Variants in PGM3 observed in about 807,000 individuals in gnomAD.
PGM3 encodes the protein phosphoacetylglucosamine mutase.
Under a neutral mutation model 66.2 loss-of-function variants are expected in PGM3, and 40 were observed. That is an observed-to-expected ratio of 0.60 (90% CI 0.47 to 0.79). The LOEUF (loss-of-function observed/expected upper bound fraction) is 0.79, where lower values mean the gene tolerates loss of function less well. PGM3 is among the 30% of genes least tolerant of loss of function. The probability of loss-of-function intolerance (pLI) is 0.00; values close to 1 mark genes in which losing one functional copy is unlikely to be tolerated. For missense variants in PGM3, 537 were observed against 643.4 expected (o/e 0.83, Z 1.79); for synonymous variants, 191 against 224.2 (o/e 0.85, Z 1.32).
chr6:83,173,642 G>T (rs977078403), intron 10 of PGM3, among the ~76,000 whole-genome samples: 3 of 152,106 alleles, frequency 2.0e-5, no homozygotes, highest in Non-Finnish European at 4.4e-5. Context: ...TAATTGAATC[G>T]CTTTCCTCTA....
chr6:83,149,333 G>A, the PGM3 span, among the ~76,000 whole-genome samples: 1 of 152,160 alleles, frequency 6.6e-6, no homozygotes, highest in Admixed American at 6.6e-5. Context: ...TGCAAGTACT[G>A]GGATGTCATA....
downstream of PGM3, chr6:83,157,111 G>A: frequency 4.0e-6 from 6 of 1,487,900 alleles, no homozygotes; most frequent in Non-Finnish European, 5.5e-6. Flanking sequence ...GAGAGTACTG[G>A]ACCGACAATA....
intron 3 of PGM3, 27 bp from the exon 4 acceptor site, chr6:83,187,102 A>G: frequency 6.9e-7 from 1 of 1,451,454 alleles, no homozygotes; most frequent in South Asian, 1.2e-5. Flanking sequence ...AGAAAATAAT[A>G]TATCCCATCC....
the PGM3 span, chr6:83,148,773 A>G: frequency 3.2e-6 from 5 of 1,553,646 alleles, no homozygotes; most frequent in Admixed American, 6.6e-5. Context: ...CCAGTGCCCA[A>G]TTTAGTGGAT....
At chr6:83,191,864 G>A (rs1040812444) in intron 1 of PGM3, among the ~76,000 whole-genome samples, 30 of 149,194 alleles carry the variant, frequency 2.0e-4, no homozygotes, top group Non-Finnish European at 2.4e-4. Flanking sequence ...GTTAGCTGGC[G>A]CCTGTAATCC....
Position 83,168,689 on chromosome 6 carries a change from C to T in PGM3, c.*545G>A, listed in dbSNP as rs1786419103. The T allele has an allele frequency of 1.6e-5, 16 of 995,714 alleles. No homozygotes were observed. Among genetic ancestry groups the T allele is most frequent in the South Asian group, 8.9e-5 (2 of 22,446 alleles). The allele number at this position is 995,714 out of a possible 1,614,324, so 61.7% of individuals were successfully genotyped here. A position where few individuals can be genotyped will look rare whatever the true frequency, so the allele number is the denominator to read the frequency against. On this transcript the variant is annotated 3_prime_UTR_variant, in exon 13 of 13. Transcript: ENST00000513973. ...AAGTATTGCATGAGCATCTCCACCT[C>T]AGTATGGAAGAGGGATGGACAACCC... is the stretch of plus-strand genomic sequence containing the variant.
At position 83,167,284 on chromosome 6, in the gene PGM3, A is replaced by G. The variant is rs1255101926; in HGVS notation, c.*1950T>C. The G allele has an allele frequency of 1.0e-6, 1 of 984,978 alleles. No individual in the cohort carries two copies. Among genetic ancestry groups the G allele is most frequent in the Non-Finnish European group, 1.2e-6 (1 of 829,628 alleles). 61.0% of individuals were successfully genotyped at this position (984,978 alleles called of 1,614,324 possible). The stretch of plus-strand genomic sequence containing the variant: ...TCCAGCTTTCCTCCCTATGTTGTTT[A>G]GCACAACCCAGAAGGAGACAGCAGT... On this transcript the variant is annotated 3_prime_UTR_variant, in exon 13 of 13. Transcript: ENST00000513973.
Position 83,167,900 on chromosome 6 carries a change from T to C in PGM3, c.*1334A>G, listed in dbSNP as rs773227618. ...AAGACAACTCAGGGAGAACATTGGG[T>C]TGGGAGCCAGGGCACTTGCTGCTCA... On this transcript the variant is annotated 3_prime_UTR_variant, in exon 13 of 13. Coordinates refer to ENST00000513973, the MANE Select transcript of PGM3 (RefSeq NM_015599.3). 4 of 1,613,458 alleles carry C rather than the reference T, an allele frequency of 2.5e-6. No individual in the cohort carries two copies. Among genetic ancestry groups the C allele is most frequent in the South Asian group, 1.1e-5 (1 of 90,938 alleles).
At chr6:83,181,691 CA>C (rs1788186426) in intron 6 of PGM3, 44 bp downstream of exon 6, 1 of 1,375,066 alleles carries the variant, frequency 7.3e-7, no homozygotes, top group Admixed American at 2.2e-5. Flanking sequence ...AGATTGGCTT[CA>C]AAGAGCATTA....
At position 83,168,731 on chromosome 6, in the gene PGM3, A is replaced by G; in HGVS notation, c.*503T>C. ...GGACAACCCCCTATTCATACCTCTG[A>G]GTTCCTGATGGCATTAGTCATATAG... On this transcript the variant is annotated 3_prime_UTR_variant, in exon 13 of 13. Coordinates refer to ENST00000513973, the MANE Select transcript of PGM3 (RefSeq NM_015599.3). 4 of 997,646 alleles carry G rather than the reference A, an allele frequency of 4.0e-6. No individual in the cohort carries two copies. The highest frequency in any genetic ancestry group is 1.2e-6 in the Non-Finnish European group (1 of 836,788). The allele number at this position is 997,646 out of a possible 1,614,324, so 61.8% of individuals were successfully genotyped here. A position where few individuals can be genotyped will look rare whatever the true frequency, so the allele number is the denominator to read the frequency against.
the PGM3 span, among the ~76,000 whole-genome samples, chr6:83,151,253 C>T: frequency 6.6e-6 from 1 of 152,184 alleles, no homozygotes; most frequent in Non-Finnish European, 1.5e-5. Context: ...GCCTTGGCCT[C>T]AAGCAATTCT....
At chr6:83,191,058 C>A (rs1247752206) in intron 1 of PGM3, 44 bp from the exon 2 acceptor site, 4 of 1,579,194 alleles carry the variant, frequency 2.5e-6, no homozygotes, top group East Asian at 2.2e-5. Context: ...CAAGTAATTT[C>A]TTAAGAACCA....
intron 12 of PGM3, chr6:83,169,739 C>G (rs1012179782): frequency 4.4e-6 from 2 of 458,260 alleles, no homozygotes; most frequent in African/African-American, 4.0e-5. Flanking sequence ...CCTCCTGATT[C>G]CCTATTCAGC....
downstream of PGM3, chr6:83,158,716 C>A: frequency 1.2e-6 from 1 of 828,360 alleles, no homozygotes; most frequent in Non-Finnish European, 1.9e-6. Context: ...TAGTCTTTTT[C>A]TGAATACTTA....
downstream of PGM3, chr6:83,164,533 A>T (rs1784982554): frequency 2.2e-6 from 2 of 921,338 alleles, no homozygotes; most frequent in Non-Finnish European, 3.4e-6. Flanking sequence ...AATTTGTCCC[A>T]CAGAATAAGA....
At chr6:83,179,309 C>CAAA (rs940300357) in intron 7 of PGM3, among the ~76,000 whole-genome samples, 3 of 71,582 alleles carry the variant, frequency 4.2e-5, no homozygotes, top group African/African-American at 1.3e-4. Flanking sequence ...AACACTGTCT[C>CAAA]AAAAAAAAAA....
At chr6:83,163,502 A>G (rs1420148837), downstream of PGM3, among the ~76,000 whole-genome samples, 2 of 152,220 alleles carry the variant, frequency 1.3e-5, no homozygotes, top group Non-Finnish European at 2.9e-5. Context: ...AAAGGAAATA[A>G]TCATTAGCAT....
In PGM3 at chr6:83,167,971, A is replaced by G. The variant is rs557224254; in HGVS notation, c.*1263T>C. 2.2e-5 allele frequency: 36 copies of G among 1,614,078 alleles called. No individual in the cohort carries two copies. Among genetic ancestry groups the G allele is most frequent in the South Asian group, 5.5e-5 (5 of 91,090 alleles). On this transcript the variant is annotated 3_prime_UTR_variant, in exon 13 of 13. Coordinates refer to ENST00000513973, the MANE Select transcript of PGM3 (RefSeq NM_015599.3). ...ATGGAGCAGCTCCTGCCGTTCTTCAATGTGCTCAGTCAAGTCTTCAACAGC... is the reference window on the plus strand; with the variant it reads ...ATGGAGCAGCTCCTGCCGTTCTTCAGTGTGCTCAGTCAAGTCTTCAACAGC...
downstream of PGM3, among the ~76,000 whole-genome samples, chr6:83,164,158 A>C (rs1784881685): frequency 6.7e-6 from 1 of 149,192 alleles, no homozygotes; most frequent in African/African-American, 2.5e-5. Context: ...GAGTCCTCCT[A>C]ATCAGGCAGC....
Sources: gnomAD v4.1 joint callset for allele counts (sites outside exome capture counted in the v4.1 genomes callset) on GRCh38, gnomAD v4.1.1 for gene constraint, MANE v1.5 for transcripts, NCBI Gene and HGNC (gene_info 2026-07-23, HGNC 2026-07-21) for gene names.